The following SEMA3E variants were observed in gnomAD, a reference collection of about 807,000 sequenced individuals.
SEMA3E encodes semaphorin 3E.
In SEMA3E, 49 loss-of-function variants were observed where a neutral mutation model predicts 93.6. The ratio of observed to expected loss-of-function variants is 0.52; its 90% CI spans 0.42 to 0.66. SEMA3E has a LOEUF of 0.66. Ranked by LOEUF, SEMA3E falls within the 30% of genes least tolerant of loss-of-function variation. The pLI, the probability that SEMA3E is intolerant of heterozygous loss-of-function variation, is 0.00. For synonymous variants in SEMA3E, 363 were observed against 330.7 expected (o/e 1.10, Z -1.06); for missense variants, 906 against 964.8 (o/e 0.94, Z 0.81).
intron 16 of SEMA3E, among the ~76,000 whole-genome samples, chr7:83,380,389 C>T (rs1001302072): frequency 6.6e-6 from 1 of 151,874 alleles, no homozygotes; most frequent in African/African-American, 2.4e-5. Context: ...TTTGTGTACA[C>T]AGTCAAGCTA....
At chr7:83,477,643 C>T (rs1790043542) in intron 2 of SEMA3E, among the ~76,000 whole-genome samples, 1 of 152,000 alleles carries the variant, frequency 6.6e-6, no homozygotes, top group South Asian at 2.1e-4. Context: ...AATATGATAA[C>T]TACACACAAA....
chr7:83,549,668 C>T (rs1189185646), intron 1 of SEMA3E, among the ~76,000 whole-genome samples: 2 of 152,018 alleles, frequency 1.3e-5, no homozygotes, highest in Non-Finnish European at 2.9e-5. Context: ...TAAAGATAAA[C>T]AGTAAAATGT....
At chr7:83,414,146 G>A (rs1358725168) in intron 5 of SEMA3E, among the ~76,000 whole-genome samples, 1 of 152,048 alleles carries the variant, frequency 6.6e-6, no homozygotes, top group African/African-American at 2.4e-5. Context: ...TGAAGTCTAT[G>A]TTTCTATATA....
intron 16 of SEMA3E, among the ~76,000 whole-genome samples, chr7:83,377,965 A>G (rs1044476163): frequency 1.1e-4 from 17 of 151,964 alleles, no homozygotes; most frequent in African/African-American, 3.9e-4. Context: ...TGTAGTTATT[A>G]TGGAGGTTCA....
At chr7:83,516,151 A>G (rs1224904931) in intron 1 of SEMA3E, among the ~76,000 whole-genome samples, 4 of 152,218 alleles carry the variant, frequency 2.6e-5, no homozygotes, top group African/African-American at 4.8e-5. Flanking sequence ...AATCAACCAT[A>G]TAAGTAATCC....
At chr7:83,645,935 C>T (rs1468438608) in intron 1 of SEMA3E, among the ~76,000 whole-genome samples, 3 of 152,070 alleles carry the variant, frequency 2.0e-5, no homozygotes, top group African/African-American at 4.8e-5. Flanking sequence ...CTTTCTCCTC[C>T]TCCTTGGGAA....
chr7:83,436,236 CAAAT>C (rs568913500), intron 4 of SEMA3E, among the ~76,000 whole-genome samples: 363 of 151,232 alleles, frequency 2.4e-3, no homozygotes, highest in African/African-American at 8.0e-3. Context: ...ATATACAACA[CAAAT>C]AAATCTAAAA....
At chr7:83,405,558 A>G (rs1253721559) in intron 8 of SEMA3E, 39 bp from the exon 9 acceptor site, 1 of 1,556,178 alleles carries the variant, frequency 6.4e-7, no homozygotes, top group Non-Finnish European at 8.9e-7. Context: ...TAGTATTTTT[A>G]GCTCTCTTTG....
chr7:83,546,978 T>C, intron 1 of SEMA3E, among the ~76,000 whole-genome samples: 1 of 152,088 alleles, frequency 6.6e-6, no homozygotes, highest in South Asian at 2.1e-4. Context: ...TGTCTGATTA[T>C]AAAGCAAGAA....
chr7:83,602,103 C>A (rs1254872493), intron 1 of SEMA3E, among the ~76,000 whole-genome samples: 1 of 152,070 alleles, frequency 6.6e-6, no homozygotes, highest in East Asian at 1.9e-4. Context: ...GTAGTGGAGA[C>A]GATTCCTGTA....
At chr7:83,432,798 A>G (rs563241406) in intron 4 of SEMA3E, among the ~76,000 whole-genome samples, 1 of 152,318 alleles carries the variant, frequency 6.6e-6, no homozygotes, top group East Asian at 1.9e-4. Flanking sequence ...TAAATGCATA[A>G]GTCTTTACCA....
chr7:83,463,287 G>A (rs2466437), intron 4 of SEMA3E, among the ~76,000 whole-genome samples: 80,142 of 151,232 alleles, frequency 0.53, 23,092 homozygotes, highest in East Asian at 0.87. Flanking sequence ...TACTGTTTTA[G>A]CCTAGCCATC....
chr7:83,556,127 A>G (rs1791882226), intron 1 of SEMA3E, among the ~76,000 whole-genome samples: 2 of 152,046 alleles, frequency 1.3e-5, no homozygotes, highest in Admixed American at 6.6e-5. Context: ...ATACGTTTTT[A>G]TATGTTCAGA....
chr7:83,528,471 A>G lies in SEMA3E; in HGVS notation c.116-38197T>C, dbSNP rs184043162. 2.6e-5 allele frequency among the ~76,000 whole-genome samples: 4 copies of G among 152,240 alleles called. No homozygotes were observed. The East Asian group carries it at 7.7e-4, about 29-fold the overall frequency. ...AAATCGTTCAAGTAGTAAACTGTCAATTATAAGGTGTGGTTAACAAGAGCA... is the reference window on the plus strand; with the variant it reads ...AAATCGTTCAAGTAGTAAACTGTCAGTTATAAGGTGTGGTTAACAAGAGCA... On this transcript the variant is annotated intron_variant, in intron 1 of 16. Transcript: ENST00000643230.
intron 1 of SEMA3E, among the ~76,000 whole-genome samples, chr7:83,605,001 T>C (rs925125567): frequency 6.6e-6 from 1 of 152,224 alleles, no homozygotes; most frequent in Non-Finnish European, 1.5e-5. Context: ...ATGGTGTATA[T>C]GTATCTCATT....
At chr7:83,475,094 C>A (rs2115915176) in intron 2 of SEMA3E, among the ~76,000 whole-genome samples, 1 of 151,610 alleles carries the variant, frequency 6.6e-6, no homozygotes, top group Non-Finnish European at 1.5e-5. Flanking sequence ...AATAGATAAT[C>A]CCTCATCCAT....
At chr7:83,575,573 CA>C (rs147128016) in intron 1 of SEMA3E, among the ~76,000 whole-genome samples, 4 of 151,938 alleles carry the variant, frequency 2.6e-5, no homozygotes, top group African/African-American at 4.8e-5. Context: ...AAAGCTCTCA[CA>C]AAAAAACTAT....
At chr7:83,499,326 T>C (rs1177751930) in intron 1 of SEMA3E, among the ~76,000 whole-genome samples, 1 of 152,196 alleles carries the variant, frequency 6.6e-6, no homozygotes, top group East Asian at 1.9e-4. Context: ...TTATATCACT[T>C]TAAAATTCCC....
At chr7:83,451,828 C>T (rs1006733894) in intron 4 of SEMA3E, among the ~76,000 whole-genome samples, 6 of 152,176 alleles carry the variant, frequency 3.9e-5, no homozygotes, top group Non-Finnish European at 8.8e-5. Flanking sequence ...CTGTCTGTGA[C>T]AAACAAAGCA....
Sources: gnomAD v4.1 joint callset for allele counts (sites outside exome capture counted in the v4.1 genomes callset) on GRCh38, gnomAD v4.1.1 for gene constraint, MANE v1.5 for transcripts, NCBI Gene and HGNC (gene_info 2026-07-23, HGNC 2026-07-21) for gene names.